IL1RAPL2: variants seen among roughly 807,000 people sequenced by gnomAD.
IL1RAPL2 encodes interleukin 1 receptor accessory protein like 2.
Under a neutral mutation model 44.1 loss-of-function variants are expected in IL1RAPL2, and 3 were observed. The ratio of observed to expected loss-of-function variants is 0.07; its 90% CI spans 0.03 to 0.18. IL1RAPL2 has a LOEUF of 0.18. Ranked by LOEUF, IL1RAPL2 falls within the 10% of genes least tolerant of loss-of-function variation. The pLI is 1.00. For missense variants in IL1RAPL2, 391 were observed against 496.4 expected (o/e 0.79, Z 2.02); for synonymous variants, 181 against 178.8 (o/e 1.01, Z -0.10).
chrX:104,573,182 T>A (rs937356217), intron 1 of IL1RAPL2, among the ~76,000 whole-genome samples: 4 of 112,244 alleles, frequency 3.6e-5, no homozygotes, highest in African/African-American at 1.3e-4. Flanking sequence ...CCAAATCTAT[T>A]ATTTGCCAAT....
At chrX:105,595,580 G>A (rs969014934) in intron 6 of IL1RAPL2, among the ~76,000 whole-genome samples, 1 of 110,049 alleles carries the variant, frequency 9.1e-6, no homozygotes, top group African/African-American at 3.4e-5. Flanking sequence ...GGAGGTATTG[G>A]CCTGTAGTGT....
chrX:104,607,707 A>G lies in IL1RAPL2; in HGVS notation c.-20+40656A>G, dbSNP rs769410851. Among the ~76,000 whole-genome samples the G allele has an allele frequency of 6.3e-5, 7 of 111,826 alleles. No homozygotes were observed. In the East Asian group the frequency reaches 1.1e-3, roughly 18 times the overall value. On this transcript the variant is annotated intron_variant, in intron 1 of 10. Coordinates refer to ENST00000372582, the MANE Select transcript of IL1RAPL2 (RefSeq NM_017416.2). The stretch of plus-strand genomic sequence containing the variant: ...GATACCATCTCACGCCAGTTAGGCA[A>G]TCATCAAAAAGTCAGGAAAAAAAAG...
At chrX:105,191,224 T>A (rs2147610218) in intron 2 of IL1RAPL2, among the ~76,000 whole-genome samples, 1 of 112,627 alleles carries the variant, frequency 8.9e-6, no homozygotes, top group African/African-American at 3.2e-5. Context: ...TTTGTTTGTT[T>A]GTTTGTTTTG....
chrX:104,873,455 TAAAC>T (rs911509630), intron 2 of IL1RAPL2, among the ~76,000 whole-genome samples: 1 of 111,903 alleles, frequency 8.9e-6, no homozygotes, highest in African/African-American at 3.2e-5. Flanking sequence ...GTTGCAGTAA[TAAAC>T]AACCCCATGA....
intron 5 of IL1RAPL2, among the ~76,000 whole-genome samples, chrX:105,297,391 C>T (rs750191524): frequency 1.8e-5 from 2 of 111,520 alleles, no homozygotes; most frequent in African/African-American, 3.3e-5. Flanking sequence ...TGTTTTAGTC[C>T]GTTTTCACAC....
chrX:105,089,476 C>T (rs2032515975), intron 2 of IL1RAPL2, among the ~76,000 whole-genome samples: 1 of 110,856 alleles, frequency 9.0e-6, no homozygotes, highest in African/African-American at 3.3e-5. Context: ...TCCTCTGTAG[C>T]CCAGGGTCTT....
At chrX:104,949,338 T>C (rs1169804262) in intron 2 of IL1RAPL2, among the ~76,000 whole-genome samples, 3 of 111,623 alleles carry the variant, frequency 2.7e-5, no homozygotes, top group Non-Finnish European at 5.6e-5. Context: ...GCTAGCAGTC[T>C]ATCTATTTTG....
intron 5 of IL1RAPL2, among the ~76,000 whole-genome samples, chrX:105,394,839 T>C (rs1245201484): frequency 9.0e-6 from 1 of 111,067 alleles, no homozygotes; most frequent in African/African-American, 3.3e-5. Context: ...TGACATGTGA[T>C]GTTTTTTCTC....
At chrX:105,760,994 T>C (rs1242635556) in intron 10 of IL1RAPL2, among the ~76,000 whole-genome samples, 3 of 109,468 alleles carry the variant, frequency 2.7e-5, no homozygotes, top group African/African-American at 9.9e-5. Context: ...GCCTGGCCAA[T>C]GTGGTGAAAC....
chrX:105,062,357 G>A (rs987756069), intron 2 of IL1RAPL2, among the ~76,000 whole-genome samples: 4 of 111,603 alleles, frequency 3.6e-5, no homozygotes, highest in African/African-American at 6.5e-5. Context: ...TTAACTTTCT[G>A]TTGTTTCTAT....
intron 2 of IL1RAPL2, among the ~76,000 whole-genome samples, chrX:104,899,706 C>A (rs1261960307): frequency 9.0e-6 from 1 of 111,551 alleles, no homozygotes; most frequent in Non-Finnish European, 1.9e-5. Context: ...CTTTTTGATC[C>A]CCATAAACCA....
chrX:105,598,581 A>G (rs1458811784), intron 6 of IL1RAPL2, among the ~76,000 whole-genome samples: 1 of 111,589 alleles, frequency 9.0e-6, no homozygotes, highest in African/African-American at 3.3e-5. Context: ...ATGGTAAAAT[A>G]ATAGTAACAA....
intron 6 of IL1RAPL2, among the ~76,000 whole-genome samples, chrX:105,524,605 A>G (rs1203309818): frequency 9.0e-6 from 1 of 110,693 alleles, no homozygotes; most frequent in Non-Finnish European, 1.9e-5. Context: ...CACTGTGTTT[A>G]CAGTGAAGAT....
At chrX:105,016,525 G>T (rs931377723) in intron 2 of IL1RAPL2, among the ~76,000 whole-genome samples, 14 of 111,141 alleles carry the variant, frequency 1.3e-4, no homozygotes, top group African/African-American at 4.6e-4. Flanking sequence ...TAGCATGAAG[G>T]GCTGTTGAAT....
chrX:104,632,704 CTT>C (rs1929680253), intron 1 of IL1RAPL2, among the ~76,000 whole-genome samples: 1 of 108,562 alleles, frequency 9.2e-6, no homozygotes, highest in African/African-American at 3.3e-5. Context: ...TATCCTGAGA[CTT>C]TGCTGAAGTT....
chrX:104,942,771 G>C (rs1489735648), intron 2 of IL1RAPL2, among the ~76,000 whole-genome samples: 37 of 111,294 alleles, frequency 3.3e-4, no homozygotes, highest in South Asian at 1.2e-3. Flanking sequence ...CTGTCTTGTG[G>C]CAGTTTTCAA....
intron 2 of IL1RAPL2, among the ~76,000 whole-genome samples, chrX:104,953,355 T>C (rs1925635742): frequency 8.9e-6 from 1 of 111,982 alleles, no homozygotes; most frequent in African/African-American, 3.2e-5. Flanking sequence ...AGAGAATCCT[T>C]TATAAATTTG....
chrX:104,636,264 C>T (rs1389475790), intron 1 of IL1RAPL2, among the ~76,000 whole-genome samples: 1 of 112,040 alleles, frequency 8.9e-6, no homozygotes, highest in Non-Finnish European at 1.9e-5. Context: ...CTGGAGGGTG[C>T]CTCCCAGTTA....
At chrX:105,428,226 A>T (rs954210141) in intron 5 of IL1RAPL2, among the ~76,000 whole-genome samples, 5 of 111,859 alleles carry the variant, frequency 4.5e-5, no homozygotes, top group Non-Finnish European at 7.5e-5. Flanking sequence ...GACAGTACTA[A>T]TATAAAATTT....
Sources: allele counts gnomAD v4.1 joint callset (sites outside exome capture counted in the v4.1 genomes callset), GRCh38; gene constraint gnomAD v4.1.1; transcripts MANE v1.5; gene names NCBI Gene and HGNC (gene_info 2026-07-23, HGNC 2026-07-21).